The following YJU2 variants were observed in gnomAD, a reference collection of about 807,000 sequenced individuals.
YJU2 encodes splicing factor YJU2.
A neutral mutation model predicts 39.6 loss-of-function variants in YJU2; 28 were observed. The observed-to-expected ratio is 0.71, with a 90% CI of 0.52 to 0.97. The LOEUF (loss-of-function observed/expected upper bound fraction) is 0.97. Ranked by LOEUF, YJU2 falls within the 50% of genes least tolerant of loss-of-function variation. The pLI, the probability that YJU2 is intolerant of heterozygous loss-of-function variation, is 0.00. For synonymous variants in YJU2, 184 were observed against 182.4 expected (o/e 1.01, Z -0.07); for missense variants, 328 against 430.4 (o/e 0.76, Z 2.11).
chr19:4,268,642 C>G lies in YJU2; in HGVS notation c.918C>G (p.Ser306=). 1.2e-6 allele frequency: 2 copies of G among 1,613,980 alleles called. No homozygotes were observed. Among genetic ancestry groups the G allele is most frequent in the Non-Finnish European group, 1.7e-6 (2 of 1,179,966 alleles). The part of the protein sequence containing the change: ...NPTPLTPGAS[S]LSQLGAYLDS... ...CACCCCTGACGCCTGGCGCGTCCTC[C>G]CTGAGCCAACTGGGTGCATACCTGG... is the stretch of plus-strand genomic sequence containing the variant. The change falls in exon 8 of 8, where the codon TCC becomes TCG. Residue 306 remains serine (S), a synonymous_variant. Transcript: ENST00000262962.
rs996799211 is a variant in YJU2 at position 4,258,439 on chromosome 19, C to G, written c.587+16C>G. On this transcript the variant is annotated intron_variant, in intron 5 of 7. Transcript: ENST00000262962. The stretch of plus-strand genomic sequence containing the variant: ...AGGAGACCGCGTGAGTCAGGGCCGG[C>G]CCAACCCAGCCCCACCTCGCAGCCT... 35 of 1,564,050 alleles carry G rather than the reference C, an allele frequency of 2.2e-5. No homozygotes were observed. The African/African-American group carries it at 4.2e-4, about 19-fold the overall frequency.
rs1970936964 is a variant in YJU2, at chr19:4,247,621, GTGTGTGTGTGTGTGTGTGTGTGTGTGTGT to G, written c.24+452_24+480del. On this transcript the variant is annotated intron_variant, in intron 1 of 7. Transcript: ENST00000262962. ...TGTGTGTGTGTGTGTGTGTGTGTGTGTGTGTGTGTGTGTGTGTGTGTGTGTGTGTGTGTGTGTGTGTGTGTGTGTGTGTG... is the reference window on the plus strand; with the variant it reads ...TGTGTGTGTGTGTGTGTGTGTGTGTGGTGTGTGTGTGTGTGTGTGTGTGTG... 2.2e-4 allele frequency among the ~76,000 whole-genome samples: 12 copies of G among 55,308 alleles called. 1 individual carries two copies. The highest frequency in any genetic ancestry group is 3.6e-4 in the African/African-American group (4 of 11,008). The allele number at this position is 55,308 out of a possible 152,430, so 36.3% of individuals were successfully genotyped here.
intron 6 of YJU2, among the ~76,000 whole-genome samples, chr19:4,264,061 G>A (rs1366022586): frequency 6.6e-6 from 1 of 151,676 alleles, no homozygotes; most frequent in East Asian, 2.0e-4. Context: ...AGGAGATCGA[G>A]ATCATCCTAT....
At chr19:4,263,690 A>G (rs1599502501) in intron 6 of YJU2, among the ~76,000 whole-genome samples, 1 of 151,984 alleles carries the variant, frequency 6.6e-6, no homozygotes, top group East Asian at 1.9e-4. Flanking sequence ...CCTGCCTGTA[A>G]TCCCAGTTAC....
At chr19:4,263,325 A>G (rs1250827178) in intron 6 of YJU2, among the ~76,000 whole-genome samples, 1 of 152,132 alleles carries the variant, frequency 6.6e-6, no homozygotes, top group Non-Finnish European at 1.5e-5. Flanking sequence ...CAGCTGGCTC[A>G]GAGCACCTTC....
At chr19:4,251,683 TAAAA>T (rs34528734) in intron 3 of YJU2, among the ~76,000 whole-genome samples, 1 of 102,854 alleles carries the variant, frequency 9.7e-6, no homozygotes, top group East Asian at 2.7e-4. Context: ...AGACTCCAAC[TAAAA>T]AAAAAAAAAA....
chr19:4,264,742 C>T (rs958180803), intron 6 of YJU2, among the ~76,000 whole-genome samples: 9 of 152,170 alleles, frequency 5.9e-5, no homozygotes, highest in African/African-American at 1.4e-4. Context: ...CTGACTCGGC[C>T]GCCCAAAGTG....
At position 4,254,428 on chromosome 19, in the gene YJU2, A is replaced by C; in HGVS notation, c.344A>C (p.Glu115Ala). Residue 115 changes from glutamate to alanine, a missense_variant, in exon 4 of 8, where the codon GAG (glutamate) becomes GCG (alanine). Physicochemically the swap from Glu to Ala is moderately radical, Grantham distance 107. Transcript: ENST00000262962. The part of the protein sequence containing the change: ...TRNFQAEKLL[E>A]EEEKRVQKER... ...AATTTCCAGGCTGAGAAGCTCCTGG[A>C]GGAGGAGGAGAAGAGGGTGCAGAAG... The C allele has an allele frequency of 6.2e-7, 1 of 1,612,408 alleles. No homozygotes were observed. Among genetic ancestry groups the C allele is most frequent in the Non-Finnish European group, 8.5e-7 (1 of 1,178,936 alleles).
chr19:4,252,336 C>T (rs77564607), intron 3 of YJU2, among the ~76,000 whole-genome samples: 4 of 151,950 alleles, frequency 2.6e-5, no homozygotes, highest in East Asian at 1.9e-4. Flanking sequence ...CAGTGGCTCA[C>T]GCCTCTAATC....
chr19:4,253,826 A>G (rs1042592232), intron 3 of YJU2, among the ~76,000 whole-genome samples: 7 of 147,538 alleles, frequency 4.7e-5, no homozygotes, highest in Non-Finnish European at 9.0e-5. Context: ...AACCTTGGAG[A>G]TTTTTTTTTT....
intron 2 of YJU2, 130 bp downstream of exon 2, chr19:4,249,458 T>G (rs1174977210): frequency 3.2e-6 from 2 of 624,314 alleles, no homozygotes; most frequent in East Asian, 2.8e-5. Flanking sequence ...GCTCAGACAT[T>G]GACCATTCCA....
At chr19:4,263,989 G>C (rs1318607697) in intron 6 of YJU2, among the ~76,000 whole-genome samples, 1 of 151,188 alleles carries the variant, frequency 6.6e-6, no homozygotes, top group Admixed American at 6.6e-5. Context: ...TCGGCCGGGC[G>C]CGGTGGCTCA....
Position 4,259,322 on chromosome 19 carries a change from G to A in YJU2, c.587+899G>A, listed in dbSNP as rs182574270. 4.3e-3 allele frequency among the ~76,000 whole-genome samples: 646 copies of A among 151,840 alleles called. 4 individuals carry two copies. Among genetic ancestry groups the A allele is most frequent in the African/African-American group, 0.014 (600 of 41,434 alleles). ...TCTCGATCTCCTGACCTCGTGATCC[G>A]CCCGCCTCGGCCTCCCAAAGTGCTG... On this transcript the variant is annotated intron_variant, in intron 5 of 7. Transcript: ENST00000262962.
chr19:4,266,855 C>T (rs947329464), intron 6 of YJU2, among the ~76,000 whole-genome samples: 2 of 152,024 alleles, frequency 1.3e-5, no homozygotes, highest in Non-Finnish European at 2.9e-5. Flanking sequence ...GTGGCGTGCA[C>T]CTGCAGGAGG....
intron 5 of YJU2, among the ~76,000 whole-genome samples, chr19:4,260,992 G>C (rs1276682703): frequency 6.6e-6 from 1 of 151,572 alleles, no homozygotes; most frequent in African/African-American, 2.4e-5. Flanking sequence ...TGAAGGTCGA[G>C]TAGGAGTTCA....
In YJU2 at chr19:4,254,466, G is replaced by C. The variant is rs762036683; in HGVS notation, c.382G>C (p.Glu128Gln). 6.2e-7 allele frequency: 1 copy of C among 1,606,728 alleles called. No individual in the cohort carries two copies. The highest frequency in any genetic ancestry group is 1.1e-5 in the South Asian group (1 of 90,162). Residue 128 changes from glutamate to glutamine, a missense_variant, in exon 4 of 8, where the codon GAG becomes CAG. By Grantham distance (29) the Glu-to-Gln change is conservative (BLOSUM62 2). Around this residue, in one of 2 missense-constraint regions of YJU2, gnomAD observed 244 missense variants for 264.6 expected, o/e 0.92. Coordinates refer to ENST00000262962, the MANE Select transcript of YJU2 (RefSeq NM_018074.6). ...EKRVQKERED[E>Q]ELNNPMKVLE... The stretch of plus-strand genomic sequence containing the variant: ...GAGGGTGCAGAAGGAGCGGGAGGAC[G>C]AGGAGCTGAACAACCCCATGAAGGT...
At position 4,261,274 on chromosome 19, in the gene YJU2, C is replaced by T. The variant is rs117161396; in HGVS notation, c.588-720C>T. Among the ~76,000 whole-genome samples, 409 of 152,176 alleles carry T rather than the reference C, an allele frequency of 2.7e-3. 8 individuals are homozygous for T. In the East Asian group the frequency reaches 0.034, roughly 12 times the overall value. On this transcript the variant is annotated intron_variant, in intron 5 of 7. Transcript: ENST00000262962. Reference sequence around the variant, plus strand: ...TCTCACACTGTGGTTCTCACATAAACCACTCCCAGAATTAGAGACCGGCCT... The same window carrying T: ...TCTCACACTGTGGTTCTCACATAAATCACTCCCAGAATTAGAGACCGGCCT...
intron 5 of YJU2, among the ~76,000 whole-genome samples, chr19:4,261,024 G>A (rs1323694892): frequency 1.3e-5 from 2 of 150,914 alleles, no homozygotes; most frequent in Non-Finnish European, 3.0e-5. Context: ...CTTGGCAAAG[G>A]GGTCATCCCA....
At chr19:4,247,385 G>C in intron 1 of YJU2, 1 of 520,260 alleles carries the variant, frequency 1.9e-6, no homozygotes, top group Non-Finnish European at 3.4e-6. Flanking sequence ...CTGGGGTGTA[G>C]TTAGTCACCT....
Sources: gnomAD v4.1 joint callset for allele counts (sites outside exome capture counted in the v4.1 genomes callset) on GRCh38, gnomAD v4.1.1 for gene constraint, gnomAD v4.1.1 regional missense constraint, MANE v1.5 for transcripts, NCBI Gene and HGNC (gene_info 2026-07-23, HGNC 2026-07-21) for gene names.